The following ELMO1 variants were observed in gnomAD, a reference collection of about 807,000 sequenced individuals.
ELMO1 encodes the protein engulfment and cell motility protein 1.
ELMO1 carries 26 observed loss-of-function variants against 98.9 expected under a neutral mutation model. The observed-to-expected ratio is 0.26, with a 90% CI of 0.19 to 0.36. The LOEUF (loss-of-function observed/expected upper bound fraction) is 0.36. Ranked by LOEUF, ELMO1 falls within the 10% of genes least tolerant of loss-of-function variation. ELMO1 has a pLI of 1.00. For synonymous variants in ELMO1, 346 were observed against 346.0 expected, an observed-to-expected ratio of 1.00 and a Z score of 0.00; for missense variants, 627 against 935.2, an observed-to-expected ratio of 0.67 and a Z score of 4.30.
At chr7:37,363,998 A>C (rs1472161144) in intron 1 of ELMO1, among the ~76,000 whole-genome samples, 1 of 152,174 alleles carries the variant, frequency 6.6e-6, no homozygotes, top group Non-Finnish European at 1.5e-5. Context: ...CATTTGACTA[A>C]TGCAAATCCC....
At chr7:37,089,185 C>A (rs1325899022) in intron 15 of ELMO1, among the ~76,000 whole-genome samples, 2 of 152,128 alleles carry the variant, frequency 1.3e-5, no homozygotes, top group Non-Finnish European at 2.9e-5. Flanking sequence ...TCAGGTTGCT[C>A]ATCTGTGTTA....
intron 16 of ELMO1, among the ~76,000 whole-genome samples, chr7:36,999,223 G>A (rs1403300283): frequency 5.9e-5 from 9 of 152,124 alleles, no homozygotes; most frequent in African/African-American, 1.7e-4. Flanking sequence ...CATCTGGAGC[G>A]CCATGTGTGC....
chr7:37,178,296 A>G (rs928368869), intron 13 of ELMO1, among the ~76,000 whole-genome samples: 2 of 152,128 alleles, frequency 1.3e-5, no homozygotes, highest in Non-Finnish European at 2.9e-5. Flanking sequence ...AACGTCTTAC[A>G]AAACCATCAG....
chr7:37,285,533 G>C (rs1178985945), intron 4 of ELMO1, among the ~76,000 whole-genome samples: 2 of 152,124 alleles, frequency 1.3e-5, no homozygotes, highest in African/African-American at 4.8e-5. Flanking sequence ...TGGGACCCTG[G>C]GACACTGTAT....
Position 37,246,199 on chromosome 7 carries a change from G to T in ELMO1, c.414-1808C>A, listed in dbSNP as rs1990663. Among the ~76,000 whole-genome samples the T allele has an allele frequency of 2.8e-3, 422 of 152,222 alleles. 2 individuals are homozygous for T. Among genetic ancestry groups the T allele is most frequent in the African/African-American group, 9.6e-3 (398 of 41,530 alleles). On this transcript the variant is annotated intron_variant, in intron 6 of 21. Transcript: ENST00000310758. ...AATAAATACGTAGGGAAAAAACAGA[G>T]CTCTTACTACCAAAGAAAACCAACT...
rs531243339 is a variant in ELMO1 at position 36,938,501 on chromosome 7, AG to A, written c.1438-43485del. Among the ~76,000 whole-genome samples, 5 of 152,384 alleles carry A rather than the reference AG, an allele frequency of 3.3e-5. No individual in the cohort carries two copies. In the South Asian group the frequency reaches 1.0e-3, roughly 32 times the overall value. ...CATGGTTTATCTAAGAATGGTAATT[AG>A]AAACTCCAATCTGCAAATTTAAGAA... On this transcript the variant is annotated intron_variant, in intron 16 of 21. Transcript: ENST00000310758.
intron 4 of ELMO1, among the ~76,000 whole-genome samples, chr7:37,302,992 C>T (rs1290986347): frequency 6.6e-6 from 1 of 152,156 alleles, no homozygotes; most frequent in Non-Finnish European, 1.5e-5. Context: ...TCTTATCTCT[C>T]CCCAGACTTT....
chr7:37,342,801 CAG>C lies in ELMO1; in HGVS notation c.-73-40_-73-39del. ...GACAGAAAAAGAAAGAGAAGTCACT[CAG>C]TGCAGATGCAGGGTGAATTTTGCTT... On this transcript the variant is annotated intron_variant, in intron 1 of 21. Transcript: ENST00000310758. The surrounding 1 kb of genome is among the most constrained non-coding windows in gnomAD (Gnocchi z 4.3). 9.9e-7 allele frequency: 1 copy of C among 1,005,254 alleles called. No homozygotes were observed. Among genetic ancestry groups the C allele is most frequent in the Non-Finnish European group, 1.5e-6 (1 of 673,828 alleles). 62.3% of individuals were successfully genotyped at this position (1,005,254 alleles called of 1,614,324 possible).
chr7:36,998,514 A>C (rs1792387105), intron 16 of ELMO1, among the ~76,000 whole-genome samples: 1 of 152,042 alleles, frequency 6.6e-6, no homozygotes, highest in Non-Finnish European at 1.5e-5. Flanking sequence ...TCTTAGGTGC[A>C]TTGTATACAT....
chr7:37,205,696 T>C (rs1340105086), intron 13 of ELMO1, among the ~76,000 whole-genome samples: 3 of 152,152 alleles, frequency 2.0e-5, no homozygotes, highest in Non-Finnish European at 4.4e-5. Context: ...GGTGGCTTGG[T>C]GTCTTGTTCG....
intron 2 of ELMO1, among the ~76,000 whole-genome samples, chr7:37,330,745 C>A (rs748551582): frequency 3.3e-5 from 5 of 152,192 alleles, no homozygotes; most frequent in African/African-American, 7.2e-5. Flanking sequence ...TACCATAGAT[C>A]TTAGCAACTA....
At chr7:36,920,755 T>C (rs1384353229) in intron 16 of ELMO1, among the ~76,000 whole-genome samples, 2 of 152,114 alleles carry the variant, frequency 1.3e-5, no homozygotes, top group Admixed American at 6.5e-5. Context: ...CTGACCACCT[T>C]GTGTCTCCTG....
At chr7:37,351,728 A>T (rs1401319584) in intron 1 of ELMO1, among the ~76,000 whole-genome samples, 1 of 152,216 alleles carries the variant, frequency 6.6e-6, no homozygotes, top group East Asian at 1.9e-4. Context: ...CAACCTAACC[A>T]TATCTGTTTA....
intron 13 of ELMO1, among the ~76,000 whole-genome samples, chr7:37,162,708 C>T (rs1265296681): frequency 6.6e-6 from 1 of 151,980 alleles, no homozygotes; most frequent in Non-Finnish European, 1.5e-5. Context: ...AATGAAGAAA[C>T]CGGCAAAAAA....
At chr7:37,144,961 C>T (rs1381692300) in intron 13 of ELMO1, among the ~76,000 whole-genome samples, 2 of 152,180 alleles carry the variant, frequency 1.3e-5, no homozygotes, top group Non-Finnish European at 2.9e-5. Flanking sequence ...TACACCATGG[C>T]CACTGGAGAG....
chr7:37,048,848 T>C (rs920566518), intron 15 of ELMO1, among the ~76,000 whole-genome samples: 6 of 152,120 alleles, frequency 3.9e-5, no homozygotes, highest in African/African-American at 7.2e-5. Flanking sequence ...TAAAGTTCAG[T>C]TGACTCAGAA....
intron 4 of ELMO1, among the ~76,000 whole-genome samples, chr7:37,295,704 A>G (rs1484763993): frequency 3.3e-5 from 5 of 152,180 alleles, no homozygotes; most frequent in Non-Finnish European, 7.4e-5. Context: ...TTTGTTCTAG[A>G]AGGAGGAAAA....
intron 6 of ELMO1, among the ~76,000 whole-genome samples, chr7:37,252,768 G>A (rs1795423600): frequency 6.6e-6 from 1 of 152,062 alleles, no homozygotes; most frequent in Admixed American, 6.6e-5. Context: ...CACAGCAAAG[G>A]AAACTATCAT....
intron 15 of ELMO1, among the ~76,000 whole-genome samples, chr7:37,059,903 T>C (rs1796580491): frequency 1.3e-5 from 2 of 152,238 alleles, no homozygotes; most frequent in South Asian, 4.1e-4. Flanking sequence ...GAACTACACA[T>C]GGGCCACCTG....
Sources: gnomAD v4.1 joint callset for allele counts (sites outside exome capture counted in the v4.1 genomes callset) on GRCh38, gnomAD v4.1.1 for gene constraint, Gnocchi (gnomAD v3.1) non-coding constraint, MANE v1.5 for transcripts, NCBI Gene and HGNC (gene_info 2026-07-23, HGNC 2026-07-21) for gene names.